PCDH15: variants seen among roughly 807,000 people sequenced by gnomAD.
The protein encoded by PCDH15 is protocadherin-15.
PCDH15 carries 129 observed loss-of-function variants against 178.5 expected under a neutral mutation model. The ratio of observed to expected loss-of-function variants is 0.72; its 90% CI spans 0.63 to 0.84. PCDH15 has a LOEUF of 0.84. Among genes scored for constraint, PCDH15 ranks in the 40% least tolerant of loss-of-function variants. The pLI is 0.00. For missense variants in PCDH15, 2,230 were observed against 2,099.9 expected (o/e 1.06, Z -1.21); for synonymous variants, 800 against 732.0 (o/e 1.09, Z -1.50).
At chr10:53,828,613 A>T (rs572205146) in intron 30 of PCDH15, 40 bp from the exon 31 acceptor site, 2 of 1,462,596 alleles carry the variant, frequency 1.4e-6, no homozygotes, top group Non-Finnish European at 1.9e-6. Flanking sequence ...AGAAAGCTAC[A>T]TTAGAACTAT....
At chr10:54,666,535 T>C (rs1396773702) in intron 1 of PCDH15, among the ~76,000 whole-genome samples, 1 of 152,084 alleles carries the variant, frequency 6.6e-6, no homozygotes, top group East Asian at 1.9e-4. Flanking sequence ...CACAAAGGAT[T>C]AGAGCTCTAC....
At chr10:54,656,822 A>T (rs140976859) in intron 2 of PCDH15, among the ~76,000 whole-genome samples, 9 of 152,228 alleles carry the variant, frequency 5.9e-5, no homozygotes, top group African/African-American at 2.2e-4. Flanking sequence ...AGGGAGTGGC[A>T]CCGGCAGCCG....
chr10:55,457,172 C>T (rs1480649298), intron 2 of PCDH15, among the ~76,000 whole-genome samples: 1 of 152,034 alleles, frequency 6.6e-6, no homozygotes, highest in Non-Finnish European at 1.5e-5. Context: ...AAAACTCAAA[C>T]ATTATCAAAG....
rs146009136 is a variant in PCDH15, at chr10:53,839,301, C to T, written c.3983+1019G>A. On this transcript the variant is annotated intron_variant, in intron 29 of 37. Coordinates refer to ENST00000644397, the MANE Select transcript of PCDH15 (RefSeq NM_001384140.1). ...ATATTAAATCATTATTTTATTATTGCCAAAATAGAAGTGATGAAATTTTGT... is the reference window on the plus strand; with the variant it reads ...ATATTAAATCATTATTTTATTATTGTCAAAATAGAAGTGATGAAATTTTGT... Among the ~76,000 whole-genome samples, 308 of 148,972 alleles carry T rather than the reference C, an allele frequency of 2.1e-3. 2 individuals are homozygous for T. Among genetic ancestry groups the T allele is most frequent in the African/African-American group, 7.4e-3 (299 of 40,372 alleles).
At chr10:54,151,727 A>C (rs2044556074) in intron 14 of PCDH15, among the ~76,000 whole-genome samples, 1 of 152,304 alleles carries the variant, frequency 6.6e-6, no homozygotes, top group African/African-American at 2.4e-5. Context: ...AACATCAAAC[A>C]TATATAATAT....
At chr10:54,794,760 A>G (rs1239390479) in intron 1 of PCDH15, among the ~76,000 whole-genome samples, 1 of 151,858 alleles carries the variant, frequency 6.6e-6, no homozygotes, top group African/African-American at 2.4e-5. Flanking sequence ...TCCTTCTATC[A>G]TTTATAAGAT....
intron 2 of PCDH15, among the ~76,000 whole-genome samples, chr10:55,138,231 T>C (rs1222007713): frequency 6.6e-6 from 1 of 152,160 alleles, no homozygotes; most frequent in East Asian, 1.9e-4. Context: ...CAATATTTAG[T>C]AAATACTTAT....
intron 2 of PCDH15, among the ~76,000 whole-genome samples, chr10:55,402,785 G>A (rs1392299032): frequency 6.6e-6 from 1 of 151,858 alleles, no homozygotes; most frequent in African/African-American, 2.4e-5. Context: ...AAAAAATATG[G>A]GGGTGCAGGT....
At chr10:55,047,641 A>T (rs191231011) in intron 2 of PCDH15, among the ~76,000 whole-genome samples, 5 of 151,958 alleles carry the variant, frequency 3.3e-5, no homozygotes, top group Admixed American at 3.3e-4. Flanking sequence ...AAGAGGTTTG[A>T]GTAGGAAAGT....
chr10:53,809,273 C>T (rs544869696), intron 37 of PCDH15: 2 of 1,613,976 alleles, frequency 1.2e-6, no homozygotes, highest in South Asian at 1.1e-5. Context: ...ACAGTGCTTT[C>T]TGTTGCTTCC....
intron 3 of PCDH15, among the ~76,000 whole-genome samples, chr10:54,419,912 G>A (rs561635454): frequency 6.6e-6 from 1 of 152,156 alleles, no homozygotes; most frequent in Admixed American, 6.6e-5. Flanking sequence ...GGGCTATTAG[G>A]ATGTAGAGAG....
chr10:55,581,375 G>A (rs1445459135), intron 2 of PCDH15, among the ~76,000 whole-genome samples: 1 of 150,112 alleles, frequency 6.7e-6, no homozygotes, highest in Non-Finnish European at 1.5e-5. Context: ...GATTGAAAAT[G>A]TTTAATTTTC....
At chr10:55,263,719 TTTAA>T (rs1842206141) in intron 1 of PCDH15, among the ~76,000 whole-genome samples, 2 of 134,602 alleles carry the variant, frequency 1.5e-5, no homozygotes, top group African/African-American at 5.0e-5. Context: ...AACTGTATTT[TTTAA>T]TTTATTTTAT....
At chr10:54,739,330 A>G (rs896003069) in intron 1 of PCDH15, among the ~76,000 whole-genome samples, 2 of 151,804 alleles carry the variant, frequency 1.3e-5, no homozygotes, top group Middle Eastern at 3.2e-3. Context: ...TACCAAAAAC[A>G]AACAAACAAA....
At chr10:54,271,103 G>A (rs117472756) in intron 8 of PCDH15, among the ~76,000 whole-genome samples, 5,040 of 152,156 alleles carry the variant, frequency 0.033, 115 homozygotes, top group Non-Finnish European at 0.051. Context: ...ACAGATAACC[G>A]ATTTTAATTT....
At chr10:54,487,061 G>A (rs1042896380) in intron 3 of PCDH15, among the ~76,000 whole-genome samples, 2 of 151,930 alleles carry the variant, frequency 1.3e-5, no homozygotes, top group African/African-American at 4.8e-5. Context: ...ATATTTGGGA[G>A]GTTCTATATT....
At chr10:54,239,432 T>G (rs34504869) in intron 8 of PCDH15, among the ~76,000 whole-genome samples, 47,283 of 150,580 alleles carry the variant, frequency 0.31, 7,813 homozygotes, top group Middle Eastern at 0.38. Context: ...TATATATATA[T>G]AGAGTAAGAA....
intron 2 of PCDH15, among the ~76,000 whole-genome samples, chr10:55,552,113 C>G (rs1842013959): frequency 6.6e-6 from 1 of 151,706 alleles, no homozygotes; most frequent in Admixed American, 6.6e-5. Flanking sequence ...ACTGCGTAGT[C>G]AGACTTATTC....
At chr10:55,017,609 C>T (rs959431485) in intron 2 of PCDH15, among the ~76,000 whole-genome samples, 2 of 151,994 alleles carry the variant, frequency 1.3e-5, no homozygotes, top group Non-Finnish European at 1.5e-5. Context: ...ATTGAATAAG[C>T]ATGTTCAAAA....
Sources: allele counts gnomAD v4.1 joint callset (sites outside exome capture counted in the v4.1 genomes callset), GRCh38; gene constraint gnomAD v4.1.1; transcripts MANE v1.5; gene names NCBI Gene and HGNC (gene_info 2026-07-23, HGNC 2026-07-21).